Variants in SUCLG2 observed in about 807,000 individuals in gnomAD.
SUCLG2 encodes the protein succinate-CoA ligase GDP-forming subunit beta, also known as succinate--CoA ligase [GDP-forming] subunit beta, mitochondrial.
A neutral mutation model predicts 47.9 loss-of-function variants in SUCLG2; 42 were observed. The ratio of observed to expected loss-of-function variants is 0.88; its 90% CI spans 0.69 to 1.14. The LOEUF (loss-of-function observed/expected upper bound fraction) is 1.14. SUCLG2 is among the 50% of genes most tolerant of loss of function. The pLI is 0.00. For synonymous variants in SUCLG2, 195 were observed against 197.3 expected, an observed-to-expected ratio of 0.99 and a Z score of 0.10; for missense variants, 571 against 525.9, an observed-to-expected ratio of 1.09 and a Z score of -0.84.
chr3:67,437,007 A>C lies in SUCLG2; in HGVS notation c.1063-36156T>G, dbSNP rs909604562. 2.0e-5 allele frequency among the ~76,000 whole-genome samples: 3 copies of C among 152,280 alleles called. No homozygotes were observed. The South Asian group carries it at 6.2e-4, about 32-fold the overall frequency. ...TATGATCAAGATAGGAAATAGAAAA[A>C]CACAAAAAAGTAGATCAAATGACAG... On this transcript the variant is annotated intron_variant, in intron 9 of 10. Transcript: ENST00000307227.
intron 10 of SUCLG2, among the ~76,000 whole-genome samples, chr3:67,393,307 C>A (rs1379049490): frequency 1.3e-5 from 2 of 152,340 alleles, no homozygotes; most frequent in Admixed American, 6.5e-5. Flanking sequence ...AAAATCGGGT[C>A]ACTCCCACCC....
chr3:67,444,042 C>CCCAT, intron 9 of SUCLG2, among the ~76,000 whole-genome samples: 1 of 108,342 alleles, frequency 9.2e-6, no homozygotes, highest in South Asian at 3.9e-4. Flanking sequence ...GGCCAGCCGC[C>CCCAT]CCGTCCGGGA....
At chr3:67,402,025 G>C (rs532224334) in intron 9 of SUCLG2, among the ~76,000 whole-genome samples, 1 of 152,216 alleles carries the variant, frequency 6.6e-6, no homozygotes, top group Non-Finnish European at 1.5e-5. Context: ...TTGTCCCAAG[G>C]TCACACAGCT....
rs1268368803 is a variant in SUCLG2, at chr3:67,442,187, T to C, written c.1063-41336A>G. ...CACTACGCCCGGCTAATTTTTTGTA[T>C]TTTTAGTAGAGACGGGGTTTCACCG... On this transcript the variant is annotated intron_variant, in intron 9 of 10. Transcript: ENST00000307227. Among the ~76,000 whole-genome samples the C allele has an allele frequency of 2.0e-5, 3 of 151,048 alleles. No individual in the cohort carries two copies. The East Asian group carries it at 5.8e-4, about 29-fold the overall frequency.
At chr3:67,469,978 G>A (rs1234315407) in intron 9 of SUCLG2, among the ~76,000 whole-genome samples, 1 of 151,206 alleles carries the variant, frequency 6.6e-6, no homozygotes, top group Non-Finnish European at 1.5e-5. Context: ...CCAGGAGGTG[G>A]AGGTTGCAAA....
intron 2 of SUCLG2, among the ~76,000 whole-genome samples, chr3:67,589,844 T>C (rs1164514464): frequency 1.3e-5 from 2 of 152,164 alleles, no homozygotes; most frequent in Non-Finnish European, 2.9e-5. Context: ...CTGTGCTACA[T>C]GTTCCTGCAC....
chr3:67,482,814 G>A (rs993328090), intron 9 of SUCLG2, among the ~76,000 whole-genome samples: 1 of 152,292 alleles, frequency 6.6e-6, no homozygotes. Context: ...GTGAAACCTA[G>A]AAGGTCAAGG....
At chr3:67,561,071 C>CA (rs1707295576) in intron 2 of SUCLG2, among the ~76,000 whole-genome samples, 1 of 148,632 alleles carries the variant, frequency 6.7e-6, no homozygotes, top group Non-Finnish European at 1.5e-5. Flanking sequence ...TAAAAGAACA[C>CA]AAAAAAATCC....
At chr3:67,572,998 A>G (rs1168391206) in intron 2 of SUCLG2, among the ~76,000 whole-genome samples, 2 of 152,228 alleles carry the variant, frequency 1.3e-5, no homozygotes, top group Non-Finnish European at 2.9e-5. Context: ...AAAAGATACA[A>G]AGATCAATTG....
At chr3:67,587,760 G>A (rs1708062291) in intron 2 of SUCLG2, among the ~76,000 whole-genome samples, 2 of 152,078 alleles carry the variant, frequency 1.3e-5, no homozygotes, top group African/African-American at 2.4e-5. Context: ...TGTCACCAAA[G>A]CCTATAATCC....
chr3:67,624,666 G>A (rs575320492), intron 1 of SUCLG2, among the ~76,000 whole-genome samples: 1 of 152,236 alleles, frequency 6.6e-6, no homozygotes, highest in East Asian at 1.9e-4. Context: ...AATTTCTTTA[G>A]CCAGGGAGGG....
At chr3:67,505,112 T>C (rs183600695) in intron 7 of SUCLG2, among the ~76,000 whole-genome samples, 45 of 152,300 alleles carry the variant, frequency 3.0e-4, no homozygotes, top group Non-Finnish European at 6.0e-4. Flanking sequence ...GGCATAGACA[T>C]GTGACCCAAG....
chr3:67,508,765 A>G lies in SUCLG2; in HGVS notation c.757+42T>C, dbSNP rs764378453. The G allele has an allele frequency of 9.1e-6, 13 of 1,428,832 alleles. No individual in the cohort carries two copies. In the South Asian group the frequency reaches 1.1e-4, roughly 12 times the overall value. 88.5% of individuals were successfully genotyped at this position (1,428,832 alleles called of 1,614,324 possible). A position where few individuals can be genotyped will look rare whatever the true frequency, so the allele number is the denominator to read the frequency against. ...CAATTTATAGTTTGCATAAATAATT[A>G]TAATACATTCATTTGTTTTCTCAAT... On this transcript the variant is annotated intron_variant, in intron 7 of 10. Coordinates refer to ENST00000307227, the MANE Select transcript of SUCLG2 (RefSeq NM_003848.4).
At chr3:67,599,641 CT>C (rs939864534) in intron 2 of SUCLG2, among the ~76,000 whole-genome samples, 33 of 151,974 alleles carry the variant, frequency 2.2e-4, no homozygotes, top group African/African-American at 7.7e-4. Context: ...TATTTTCCCC[CT>C]GTTATCCACG....
chr3:67,527,734 A>C (rs1054798089), intron 4 of SUCLG2, among the ~76,000 whole-genome samples: 5 of 152,324 alleles, frequency 3.3e-5, no homozygotes, highest in South Asian at 2.1e-4. Flanking sequence ...TTAGAAAAAC[A>C]ACCACAATAG....
chr3:67,365,779 T>C (rs557970204), intron 10 of SUCLG2, among the ~76,000 whole-genome samples: 1 of 152,194 alleles, frequency 6.6e-6, no homozygotes, highest in Non-Finnish European at 1.5e-5. Flanking sequence ...TTCTTGACGA[T>C]TTTTAAACTT....
rs137976803 is a variant in SUCLG2, at chr3:67,526,336, A to G, written c.417+1796T>C. ...TCTCATAATGTTTAGAAAGGTTACA[A>G]ATTTGTCTTGGGCCACTTTCAAAGC... On this transcript the variant is annotated intron_variant, in intron 4 of 10. Coordinates refer to ENST00000307227, the MANE Select transcript of SUCLG2 (RefSeq NM_003848.4). Among the ~76,000 whole-genome samples the G allele has an allele frequency of 6.8e-3, 1,032 of 152,300 alleles. 9 individuals are homozygous for G. Among genetic ancestry groups the G allele is most frequent in the African/African-American group, 0.024 (988 of 41,564 alleles).
intron 10 of SUCLG2, among the ~76,000 whole-genome samples, chr3:67,367,299 C>G (rs2106744932): frequency 6.6e-6 from 1 of 152,130 alleles, no homozygotes; most frequent in South Asian, 2.1e-4. Context: ...TTTATCCCCC[C>G]AAAAAGTATA....
rs555966984 is a variant in SUCLG2 at position 67,408,808 on chromosome 3, T to C, written c.1063-7957A>G. On this transcript the variant is annotated intron_variant, in intron 9 of 10. Coordinates refer to ENST00000307227, the MANE Select transcript of SUCLG2 (RefSeq NM_003848.4). ...TCCCTGGTAAATAAACTCAATGAGC[T>C]TAAACATCACACAGCAGTAGGCAAT... is the stretch of plus-strand genomic sequence containing the variant. 4.3e-6 allele frequency: 6 copies of C among 1,382,766 alleles called. No homozygotes were observed. In the African/African-American group the frequency reaches 8.8e-5, roughly 20 times the overall value. 85.7% of individuals were successfully genotyped at this position (1,382,766 alleles called of 1,614,324 possible).
Sources: gnomAD v4.1 joint callset for allele counts (sites outside exome capture counted in the v4.1 genomes callset) on GRCh38, gnomAD v4.1.1 for gene constraint, MANE v1.5 for transcripts, NCBI Gene and HGNC (gene_info 2026-07-23, HGNC 2026-07-21) for gene names.